The following RGS6 variants were observed in gnomAD, a reference collection of about 807,000 sequenced individuals.
The protein encoded by RGS6 is regulator of G protein signaling 6.
A neutral mutation model predicts 78.5 loss-of-function variants in RGS6; 30 were observed. That is an observed-to-expected ratio of 0.38 (90% CI 0.29 to 0.52). RGS6 has a LOEUF of 0.52. RGS6 is among the 20% of genes least tolerant of loss of function. RGS6 has a pLI of 0.85. For synonymous variants in RGS6, 206 were observed against 206.0 expected (o/e 1.00, Z 0.00); for missense variants, 495 against 609.7 (o/e 0.81, Z 1.98).
At chr14:72,614,504 C>G in the RGS6 span, among the ~76,000 whole-genome samples, 1 of 152,104 alleles carries the variant, frequency 6.6e-6, no homozygotes, top group African/African-American at 2.4e-5. Flanking sequence ...GCTTGGGGGA[C>G]AGGGGCCTGG....
chr14:72,242,839 C>CTTTTTTT lies in RGS6; in HGVS notation c.85-109235_85-109229dup, dbSNP rs35675211. ...GTATTTTTCCAACTTCATTTCTTTT[C>CTTTTTTT]TTTTTTTTTTTTTTTTTTTTTTTTT... On this transcript the variant is annotated intron_variant, in intron 2 of 17. Transcript: ENST00000553525. 2.6e-3 allele frequency among the ~76,000 whole-genome samples: 179 copies of CTTTTTTT among 69,124 alleles called. 13 individuals carry two copies. The highest frequency in any genetic ancestry group is 4.8e-3 in the East Asian group (9 of 1,884). 45.3% of individuals were successfully genotyped at this position (69,124 alleles called of 152,430 possible).
chr14:72,280,666 CATTTT>C (rs1279224111), intron 2 of RGS6, among the ~76,000 whole-genome samples: 2 of 152,206 alleles, frequency 1.3e-5, no homozygotes, highest in African/African-American at 4.8e-5. Context: ...TCAGAAGAGA[CATTTT>C]ATTATTTAAT....
chr14:72,545,546 G>A (rs922153668), intron 17 of RGS6, among the ~76,000 whole-genome samples: 2 of 152,142 alleles, frequency 1.3e-5, no homozygotes, highest in Non-Finnish European at 2.9e-5. Context: ...GCAGGTCTGT[G>A]CTTCCCTCTG....
the RGS6 span, among the ~76,000 whole-genome samples, chr14:71,876,565 A>G: frequency 1.6e-5 from 2 of 125,872 alleles, no homozygotes; most frequent in South Asian, 2.7e-4. Context: ...GAGCCTATGT[A>G]TGTCTCTGCA....
intron 3 of RGS6, among the ~76,000 whole-genome samples, chr14:72,439,257 T>C (rs979698544): frequency 1.3e-5 from 2 of 152,210 alleles, no homozygotes; most frequent in African/African-American, 4.8e-5. Context: ...CATTCCCCAC[T>C]TCAGCACAGA....
At chr14:72,045,952 A>G (rs777517932) in intron 2 of RGS6, among the ~76,000 whole-genome samples, 10 of 152,148 alleles carry the variant, frequency 6.6e-5, no homozygotes, top group Non-Finnish European at 1.3e-4. Flanking sequence ...CTGACACCCA[A>G]TATGAGTGTG....
intron 2 of RGS6, among the ~76,000 whole-genome samples, chr14:72,037,094 T>G (rs1481715885): frequency 1.3e-5 from 2 of 152,098 alleles, no homozygotes; most frequent in African/African-American, 4.8e-5. Context: ...AGATTGTAAA[T>G]GCACTAATCA....
At chr14:72,461,865 T>C (rs1205371262) in intron 6 of RGS6, among the ~76,000 whole-genome samples, 2 of 152,168 alleles carry the variant, frequency 1.3e-5, no homozygotes, top group Non-Finnish European at 2.9e-5. Context: ...AGACCTCATA[T>C]TAAAATTAGA....
chr14:72,577,426 C>G, the RGS6 span, among the ~76,000 whole-genome samples: 1 of 152,184 alleles, frequency 6.6e-6, no homozygotes, highest in South Asian at 2.1e-4. Context: ...TTAGTGCCGA[C>G]CATTTACTCT....
intron 2 of RGS6, among the ~76,000 whole-genome samples, chr14:72,219,059 A>G (rs572264849): frequency 6.6e-6 from 1 of 151,986 alleles, no homozygotes; most frequent in South Asian, 2.1e-4. Flanking sequence ...TGTAAAGTGC[A>G]TTATGGAGAA....
At chr14:72,375,645 CAT>C (rs2084514884) in intron 3 of RGS6, among the ~76,000 whole-genome samples, 1 of 152,220 alleles carries the variant, frequency 6.6e-6, no homozygotes, top group African/African-American at 2.4e-5. Flanking sequence ...TGTGTGCAGA[CAT>C]ATGCCTCCAA....
chr14:71,935,112 T>A (rs2088836220), intron 1 of RGS6, among the ~76,000 whole-genome samples: 1 of 152,224 alleles, frequency 6.6e-6, no homozygotes, highest in South Asian at 2.1e-4. Flanking sequence ...TTGTAACATA[T>A]GGCATGATAT....
At chr14:72,252,190 A>G (rs2055972542) in intron 2 of RGS6, among the ~76,000 whole-genome samples, 1 of 152,248 alleles carries the variant, frequency 6.6e-6, no homozygotes, top group African/African-American at 2.4e-5. Flanking sequence ...AACATGTAAT[A>G]TGATTCACTC....
At chr14:72,231,266 A>T (rs1226903472) in intron 2 of RGS6, among the ~76,000 whole-genome samples, 2 of 151,936 alleles carry the variant, frequency 1.3e-5, no homozygotes, top group Non-Finnish European at 2.9e-5. Context: ...TGAACTAAGT[A>T]TCACATTAAT....
intron 17 of RGS6, chr14:72,550,543 C>T: frequency 6.5e-7 from 1 of 1,535,702 alleles, no homozygotes; most frequent in Non-Finnish European, 8.7e-7. Context: ...GCATCCAAGA[C>T]AACACTTAAC....
At chr14:72,024,412 A>C (rs2089409365) in intron 2 of RGS6, among the ~76,000 whole-genome samples, 1 of 152,190 alleles carries the variant, frequency 6.6e-6, no homozygotes, top group African/African-American at 2.4e-5. Flanking sequence ...CTGGGATTTA[A>C]AACCAGTTCT....
chr14:72,026,401 C>A (rs995124022), intron 2 of RGS6, among the ~76,000 whole-genome samples: 1 of 151,554 alleles, frequency 6.6e-6, no homozygotes, highest in Non-Finnish European at 1.5e-5. Flanking sequence ...ACAGAGACTC[C>A]ATCTCAAAAA....
At chr14:72,418,228 A>G (rs925561950) in intron 3 of RGS6, among the ~76,000 whole-genome samples, 1 of 151,804 alleles carries the variant, frequency 6.6e-6, no homozygotes, top group African/African-American at 2.4e-5. Context: ...GTACAATGGC[A>G]TGATCTCAAC....
chr14:72,606,712 T>A, the RGS6 span, among the ~76,000 whole-genome samples: 3 of 152,218 alleles, frequency 2.0e-5, no homozygotes, highest in Non-Finnish European at 4.4e-5. Context: ...TGATCCCCAG[T>A]GTTGGAGGTG....
Sources: allele counts gnomAD v4.1 joint callset (sites outside exome capture counted in the v4.1 genomes callset), GRCh38; gene constraint gnomAD v4.1.1; transcripts MANE v1.5; gene names NCBI Gene and HGNC (gene_info 2026-07-23, HGNC 2026-07-21).